The following GRM5 variants were observed in gnomAD, a reference collection of about 807,000 sequenced individuals.
GRM5 encodes the protein metabotropic glutamate receptor 5.
In GRM5, 19 loss-of-function variants were observed where a neutral mutation model predicts 83.1. That is an observed-to-expected ratio of 0.23 (90% CI 0.16 to 0.34). The LOEUF (loss-of-function observed/expected upper bound fraction) is 0.34, where lower values mean the gene tolerates loss of function less well. Ranked by LOEUF, GRM5 falls within the 10% of genes least tolerant of loss-of-function variation. The pLI is 1.00. For synonymous variants in GRM5, 675 were observed against 633.6 expected (o/e 1.07, Z -0.98); for missense variants, 1,160 against 1,588.3 (o/e 0.73, Z 4.58).
intron 8 of GRM5, among the ~76,000 whole-genome samples, chr11:88,552,616 G>A (rs72953088): frequency 0.024 from 3,702 of 152,158 alleles, 53 homozygotes; most frequent in Non-Finnish European, 0.035. Flanking sequence ...GCCACCTACT[G>A]GCCAGGAAAG....
At chr11:88,751,082 A>AC (rs1486239628) in intron 3 of GRM5, among the ~76,000 whole-genome samples, 4 of 147,354 alleles carry the variant, frequency 2.7e-5, no homozygotes, top group Non-Finnish European at 6.0e-5. Context: ...CAAAAAAAAA[A>AC]AAAAAAAAAA....
intron 3 of GRM5, among the ~76,000 whole-genome samples, chr11:88,689,857 CA>C (rs1940735995): frequency 6.6e-6 from 1 of 152,116 alleles, no homozygotes; most frequent in South Asian, 2.1e-4. Flanking sequence ...AAGACTAAGC[CA>C]GGGGGGTATA....
Position 88,567,193 on chromosome 11 carries a change from C to G in GRM5, c.2490G>C (p.Glu830Asp). 3 of 1,614,136 alleles carry G rather than the reference C, an allele frequency of 1.9e-6. No homozygotes were observed. The highest frequency in any genetic ancestry group is 2.5e-6 in the Non-Finnish European group (3 of 1,180,016). Residue 830 changes from glutamate (E) to aspartate (D), a missense_variant, in exon 8 of 10, where the codon GAG (glutamate) becomes GAC (aspartate). This residue lies in a region of GRM5 where 66 missense variants were observed against 138.6 expected (regional missense o/e 0.48). Coordinates refer to ENST00000305447, the MANE Select transcript of GRM5 (RefSeq NM_001143831.3). The surrounding 1 kb of genome is among the most constrained non-coding windows in gnomAD (Gnocchi z 7.3). ...TGGTGAAGGCGCTGCGCACGTTTCT[C>G]TCTGGTTTGGCCAGGATGATGTACA... ...PKVYIILAKPERNVRSAFTTS... is the reference protein window; with the variant it reads ...PKVYIILAKPDRNVRSAFTTS...
Position 88,516,391 on chromosome 11 carries a change from G to C in GRM5, c.2727-6887C>G, listed in dbSNP as rs115326712. Among the ~76,000 whole-genome samples, 1,420 of 152,194 alleles carry C rather than the reference G, an allele frequency of 9.3e-3. 23 individuals carry two copies. The highest frequency in any genetic ancestry group is 0.031 in the African/African-American group (1,283 of 41,510). On this transcript the variant is annotated intron_variant, in intron 9 of 9. Transcript: ENST00000305447. ...GGGGCTAACAAGACATACCCCTGTG[G>C]AGCATCCAAGATGGCAGTGCCCCAG... is the stretch of plus-strand genomic sequence containing the variant.
Position 88,986,954 on chromosome 11 carries a change from G to A in GRM5, c.661+60258C>T, listed in dbSNP as rs1454123447. On this transcript the variant is annotated intron_variant, in intron 2 of 9. Transcript: ENST00000305447. The stretch of plus-strand genomic sequence containing the variant: ...TGTAATCCCATCACTTTGGGAGGCT[G>A]AGGTGGGTGGATCAAGAGGTCAGAT... Among the ~76,000 whole-genome samples the A allele has an allele frequency of 2.4e-4, 37 of 151,964 alleles. 1 individual carries two copies. Among genetic ancestry groups the A allele is most frequent in the Admixed American group, 2.4e-3 (37 of 15,248 alleles).
chr11:88,586,140 A>G lies in GRM5; in HGVS notation c.1690+4461T>C, dbSNP rs1012552077. 2.0e-5 allele frequency among the ~76,000 whole-genome samples: 3 copies of G among 152,204 alleles called. No homozygotes were observed. The East Asian group carries it at 5.8e-4, about 29-fold the overall frequency. ...CACACACACACACATATTCACATGT[A>G]TTTATGTGTAAAAAAAGGAACCTGT... On this transcript the variant is annotated intron_variant, in intron 7 of 9. Transcript: ENST00000305447.
intron 3 of GRM5, among the ~76,000 whole-genome samples, chr11:88,773,056 A>T (rs1015455233): frequency 6.6e-6 from 1 of 152,036 alleles, no homozygotes; most frequent in African/African-American, 2.4e-5. Context: ...ACTAATTTAC[A>T]CTCCCACCAA....
intron 4 of GRM5, among the ~76,000 whole-genome samples, chr11:88,633,138 A>C (rs906377453): frequency 6.6e-6 from 1 of 152,226 alleles, no homozygotes; most frequent in African/African-American, 2.4e-5. Context: ...AGATACCACT[A>C]TGCACTTATT....
intron 3 of GRM5, among the ~76,000 whole-genome samples, chr11:88,807,300 A>C (rs1943514595): frequency 6.6e-6 from 1 of 152,142 alleles, no homozygotes; most frequent in Non-Finnish European, 1.5e-5. Flanking sequence ...TCTCAAATGA[A>C]GCATATTACT....
chr11:88,891,388 T>C (rs1165276677), intron 2 of GRM5, among the ~76,000 whole-genome samples: 1 of 152,046 alleles, frequency 6.6e-6, no homozygotes, highest in Non-Finnish European at 1.5e-5. Flanking sequence ...TTAACAGACA[T>C]ACCAAAATCA....
intron 5 of GRM5, among the ~76,000 whole-genome samples, chr11:88,598,439 T>G (rs1312412076): frequency 7.0e-6 from 1 of 143,386 alleles, no homozygotes; most frequent in Non-Finnish European, 1.5e-5. Context: ...TTTACTGTAG[T>G]TTTTTTTTTT....
rs994001526 is a variant in GRM5 at position 88,505,556 on chromosome 11, C to T, written c.*3036G>A. ...TCAAATCTCTTATAATTTTTCTTTC[C>T]ATACTCCCTTTCTGTTCCCCATCCC... On this transcript the variant is annotated 3_prime_UTR_variant, in exon 10 of 10. Coordinates refer to ENST00000305447, the MANE Select transcript of GRM5 (RefSeq NM_001143831.3). 2 of 152,110 alleles carry T rather than the reference C, an allele frequency of 1.3e-5. No individual in the cohort carries two copies. Among genetic ancestry groups the T allele is most frequent in the African/African-American group, 4.8e-5 (2 of 41,420 alleles). 9.4% of individuals were successfully genotyped at this position (152,110 alleles called of 1,614,324 possible). A position where few individuals can be genotyped will look rare whatever the true frequency, so the allele number is the denominator to read the frequency against.
intron 3 of GRM5, among the ~76,000 whole-genome samples, chr11:88,694,325 C>CTATT (rs1406375060): frequency 6.6e-6 from 1 of 152,024 alleles, no homozygotes; most frequent in African/African-American, 2.4e-5. Context: ...TCCTATATTG[C>CTATT]TATTTTATAT....
At chr11:88,747,310 T>TA (rs1257346942) in intron 3 of GRM5, among the ~76,000 whole-genome samples, 4 of 152,174 alleles carry the variant, frequency 2.6e-5, no homozygotes, top group Non-Finnish European at 5.9e-5. Context: ...ACACATTCCT[T>TA]AGACTTAAGC....
chr11:88,617,033 T>C lies in GRM5; in HGVS notation c.1148-12069A>G, dbSNP rs139669274. 4.3e-3 allele frequency among the ~76,000 whole-genome samples: 650 copies of C among 152,048 alleles called. 6 individuals carry two copies. The highest frequency in any genetic ancestry group is 0.015 in the African/African-American group (609 of 41,466). On this transcript the variant is annotated intron_variant, in intron 4 of 9. Coordinates refer to ENST00000305447, the MANE Select transcript of GRM5 (RefSeq NM_001143831.3). The stretch of plus-strand genomic sequence containing the variant: ...AGGTATGACAGGGTGCCTCAAGGAG[T>C]GTGATCAAATAACAGGTCTCATTCT...
At chr11:88,904,783 T>C (rs535468194) in intron 2 of GRM5, among the ~76,000 whole-genome samples, 8 of 152,328 alleles carry the variant, frequency 5.3e-5, no homozygotes, top group Admixed American at 2.6e-4. Context: ...AATAAGGTCA[T>C]ATTCACAGGT....
intron 2 of GRM5, among the ~76,000 whole-genome samples, chr11:88,909,177 G>T (rs1945452842): frequency 6.6e-6 from 1 of 152,044 alleles, no homozygotes; most frequent in South Asian, 2.1e-4. Flanking sequence ...GTATATTATT[G>T]CCTTGGAAAC....
intron 2 of GRM5, among the ~76,000 whole-genome samples, chr11:88,863,602 T>C (rs1943776): frequency 0.44 from 67,460 of 151,752 alleles, 15,301 homozygotes; most frequent in East Asian, 0.57. Flanking sequence ...CACACTCATA[T>C]ATATTATGTT....
chr11:88,868,869 C>A (rs1014216512), intron 2 of GRM5, among the ~76,000 whole-genome samples: 5 of 151,644 alleles, frequency 3.3e-5, no homozygotes, highest in Non-Finnish European at 7.4e-5. Flanking sequence ...GCTAAAGCAC[C>A]TTGATTGGAT....
Sources: gnomAD v4.1 joint callset for allele counts (sites outside exome capture counted in the v4.1 genomes callset) on GRCh38, gnomAD v4.1.1 for gene constraint, gnomAD v4.1.1 regional missense constraint, Gnocchi (gnomAD v3.1) non-coding constraint, MANE v1.5 for transcripts, NCBI Gene and HGNC (gene_info 2026-07-23, HGNC 2026-07-21) for gene names.